The following FAM98B variants were observed in gnomAD, a reference collection of about 807,000 sequenced individuals.
FAM98B encodes tRNA splicing ligase complex subunit 3B.
FAM98B carries 32 observed loss-of-function variants against 43.9 expected under a neutral mutation model. The ratio of observed to expected loss-of-function variants is 0.73; its 90% confidence interval spans 0.55 to 0.98. The LOEUF (loss-of-function observed/expected upper bound fraction) is 0.98. Among genes scored for constraint, FAM98B ranks in the 50% least tolerant of loss-of-function variants. The pLI is 0.00. For missense variants in FAM98B, 514 were observed against 522.9 expected, an observed-to-expected ratio of 0.98 and a Z score of 0.17; for synonymous variants, 190 against 174.0, an observed-to-expected ratio of 1.09 and a Z score of -0.72.
chr15:38,484,384 G>A lies in FAM98B; in HGVS notation c.1027G>A (p.Gly343Arg), dbSNP rs754865029. Residue 343 changes from glycine (G) to arginine (R), a missense_variant, in exon 8 of 8, where the codon GGA becomes AGA. Physicochemically the swap from Gly to Arg is moderately radical, Grantham distance 125 (BLOSUM62 -2). This residue lies in a region of FAM98B where 469 missense variants were observed against 451.8 expected (regional missense o/e 1.04). Transcript: ENST00000397609. The stretch of plus-strand genomic sequence containing the variant: ...AAGGGGTGGTTGGGGTGGTGGTGGT[G>A]GAGGTGGTGGTAGAGGAGGTGGTGG... ...GGRGGWGGGG[G>R]GGGRGGGGGG... 5 of 1,477,186 alleles carry A rather than the reference G, an allele frequency of 3.4e-6. No individual in the cohort carries two copies. In the South Asian group the frequency reaches 3.9e-5, roughly 11 times the overall value. The allele number at this position is 1,477,186 out of a possible 1,614,324, so 91.5% of individuals were successfully genotyped here. A position where few individuals can be genotyped will look rare whatever the true frequency, so the allele number is the denominator to read the frequency against.
At chr15:38,475,424 C>G (rs540528512) in intron 6 of FAM98B, among the ~76,000 whole-genome samples, 9 of 152,230 alleles carry the variant, frequency 5.9e-5, no homozygotes, top group African/African-American at 1.9e-4. Flanking sequence ...ATTAGCAGTC[C>G]TAAAGTGAAG....
At chr15:38,483,241 A>T (rs1172746365) in intron 7 of FAM98B, 2 of 152,198 alleles carry the variant, frequency 1.3e-5, no homozygotes, top group African/African-American at 4.8e-5. Flanking sequence ...TATATATATA[A>T]AAAATGTTTT....
Position 38,484,594 on chromosome 15 carries a change from C to G in FAM98B, c.1237C>G (p.Pro413Ala). ...CTATGGTGGAAGAGGCTATGGAGATCCATATGGAGGAGGTGGTGGTGGTGG... is the reference window on the plus strand; with the variant it reads ...CTATGGTGGAAGAGGCTATGGAGATGCATATGGAGGAGGTGGTGGTGGTGG... The part of the protein sequence containing the change: ...GGYGGRGYGD[P>A]YGGGGGGGGG... The change falls in exon 8 of 8, where the codon CCA (proline) becomes GCA (alanine). Residue 413 changes from proline (P) to alanine (A), a missense_variant. Around this residue, in one of 2 missense-constraint regions of FAM98B, gnomAD observed 45 missense variants for 71.1 expected, o/e 0.63. Coordinates refer to ENST00000397609, the MANE Select transcript of FAM98B (RefSeq NM_173611.4). The G allele has an allele frequency of 7.2e-7, 1 of 1,383,692 alleles. No homozygotes were observed. The highest frequency in any genetic ancestry group is 9.4e-7 in the Non-Finnish European group (1 of 1,065,830). The allele number at this position is 1,383,692 out of a possible 1,614,324, so 85.7% of individuals were successfully genotyped here.
At chr15:38,481,772 G>A (rs1890291397) in intron 7 of FAM98B, 1 of 695,182 alleles carries the variant, frequency 1.4e-6, no homozygotes, top group African/African-American at 1.8e-5. Flanking sequence ...TTTCGGAATT[G>A]TTTCAAGTAC....
intron 7 of FAM98B, 191 bp downstream of exon 7, chr15:38,481,650 TAAATC>T: frequency 6.8e-7 from 1 of 1,461,670 alleles, no homozygotes; most frequent in Non-Finnish European, 9.1e-7. Context: ...TGTGTATTCA[TAAATC>T]AAAGTATTTT....
At chr15:38,473,287 G>T (rs1030523695) in intron 4 of FAM98B, among the ~76,000 whole-genome samples, 12 of 152,086 alleles carry the variant, frequency 7.9e-5, no homozygotes, top group Non-Finnish European at 1.0e-4. Flanking sequence ...TCGTTCTTAC[G>T]CTGGGAAAGA....
rs985199092 is a variant in FAM98B at position 38,487,276 on chromosome 15, A to G, written c.*2617A>G. 6.6e-6 allele frequency: 1 copy of G among 152,130 alleles called. No individual in the cohort carries two copies. The highest frequency in any genetic ancestry group is 2.4e-5 in the African/African-American group (1 of 41,448). 9.4% of individuals were successfully genotyped at this position (152,130 alleles called of 1,614,324 possible). ...AAACAGAAAAAGGAAAACATTTTAA[A>G]TAAAAAACATCTTATTACCTGTATC... On this transcript the variant is annotated 3_prime_UTR_variant, in exon 8 of 8. Transcript: ENST00000397609.
intron 1 of FAM98B, among the ~76,000 whole-genome samples, chr15:38,461,258 G>A (rs1256765058): frequency 6.6e-6 from 1 of 152,206 alleles, no homozygotes; most frequent in Non-Finnish European, 1.5e-5. Context: ...CTCATTGAGA[G>A]GCATTGTAAG....
intron 1 of FAM98B, among the ~76,000 whole-genome samples, chr15:38,463,350 G>A (rs1028324535): frequency 6.6e-6 from 1 of 151,956 alleles, no homozygotes; most frequent in African/African-American, 2.4e-5. Flanking sequence ...CATTAGCTGG[G>A]TGTGGTGGCA....
intron 5 of FAM98B, among the ~76,000 whole-genome samples, chr15:38,473,830 C>A (rs1451157565): frequency 1.3e-5 from 2 of 152,136 alleles, no homozygotes; most frequent in African/African-American, 4.8e-5. Flanking sequence ...TTGAAAAGAA[C>A]AGAGGCTCAA....
chr15:38,472,515 C>T (rs1160874875), intron 4 of FAM98B, among the ~76,000 whole-genome samples: 2 of 152,040 alleles, frequency 1.3e-5, no homozygotes, highest in East Asian at 3.9e-4. Flanking sequence ...GAAATGTAAT[C>T]ATGCCATAAA....
intron 1 of FAM98B, chr15:38,459,588 A>G (rs961127188): frequency 1.2e-5 from 3 of 240,780 alleles, no homozygotes; most frequent in Middle Eastern, 1.2e-3. Flanking sequence ...CAGTGAGCCC[A>G]TGGTCTGGGC....
chr15:38,474,084 T>C (rs907836354), intron 5 of FAM98B, 98 bp from the exon 6 acceptor site: 8 of 777,870 alleles, frequency 1.0e-5, no homozygotes, highest in South Asian at 3.3e-5. Flanking sequence ...AGTACATCTT[T>C]TGACTCAGTA....
chr15:38,483,333 C>G (rs1042341360), intron 7 of FAM98B: 1 of 151,990 alleles, frequency 6.6e-6, no homozygotes, highest in Admixed American at 6.5e-5. Flanking sequence ...AAAAATTAAG[C>G]CTTTAAGTTT....
At chr15:38,478,395 C>T (rs1285238787) in intron 6 of FAM98B, among the ~76,000 whole-genome samples, 1 of 151,802 alleles carries the variant, frequency 6.6e-6, no homozygotes, top group Non-Finnish European at 1.5e-5. Context: ...TGGTCTTTTT[C>T]AATTGATTAT....
At chr15:38,455,061 ACT>A (rs1595794229) in intron 1 of FAM98B, among the ~76,000 whole-genome samples, 1 of 151,262 alleles carries the variant, frequency 6.6e-6, no homozygotes, top group East Asian at 1.9e-4. Context: ...TGTCTCTTGA[ACT>A]CTGCTTCTCC....
intron 3 of FAM98B, among the ~76,000 whole-genome samples, chr15:38,468,753 T>C (rs984612981): frequency 6.6e-6 from 1 of 152,196 alleles, no homozygotes; most frequent in Non-Finnish European, 1.5e-5. Flanking sequence ...CTCCTACTTG[T>C]AGATCTACTG....
chr15:38,471,965 G>T (rs1003415320), intron 4 of FAM98B, among the ~76,000 whole-genome samples: 5 of 151,994 alleles, frequency 3.3e-5, no homozygotes, highest in African/African-American at 1.2e-4. Flanking sequence ...CGTGGTTATG[G>T]GTAATACATC....
intron 1 of FAM98B, among the ~76,000 whole-genome samples, chr15:38,463,225 G>A (rs1043963621): frequency 2.6e-5 from 4 of 152,092 alleles, no homozygotes; most frequent in Admixed American, 1.3e-4. Context: ...GGCCAGGCAC[G>A]GTGGCTCACA....
Sources: gnomAD v4.1 joint callset for allele counts (sites outside exome capture counted in the v4.1 genomes callset) on GRCh38, gnomAD v4.1.1 for gene constraint, gnomAD v4.1.1 regional missense constraint, MANE v1.5 for transcripts, NCBI Gene and HGNC (gene_info 2026-07-23, HGNC 2026-07-21) for gene names.